Variants in SOST observed in about 807,000 individuals in gnomAD.
The protein encoded by SOST is sclerosteosis.
Under a neutral mutation model 16.7 loss-of-function variants are expected in SOST, and 14 were observed. The observed-to-expected ratio is 0.84, with a 90% CI of 0.55 to 1.31. The LOEUF (loss-of-function observed/expected upper bound fraction) is 1.31. SOST is among the 50% of genes most tolerant of loss of function. The pLI is 0.00. For missense variants in SOST, 291 were observed against 310.7 expected, an observed-to-expected ratio of 0.94 and a Z score of 0.48; for synonymous variants, 150 against 140.9, an observed-to-expected ratio of 1.06 and a Z score of -0.46.
rs751573030 is a variant in SOST at position 43,755,328 on chromosome 17, G to A, written c.*14C>T. On this transcript the variant is annotated 3_prime_UTR_variant, in exon 2 of 2. Coordinates refer to ENST00000301691, the MANE Select transcript of SOST (RefSeq NM_025237.3). The surrounding 1 kb of genome is among the most constrained non-coding windows in gnomAD (Gnocchi z 4.3). ...GCCGGGGCGCCCGCCGGTGGGGAGG[G>A]GCGCGGGCGGGCTCTAGTAGGCGTT... The A allele has an allele frequency of 1.9e-6, 3 of 1,545,654 alleles. No homozygotes were observed. Among genetic ancestry groups the A allele is most frequent in the Non-Finnish European group, 2.6e-6 (3 of 1,158,960 alleles).
Position 43,758,600 on chromosome 17 carries a change from G to A in SOST, c.142C>T (p.Pro48Ser). The change falls in exon 1 of 2, where the codon CCG (proline) becomes TCG (serine). Residue 48 changes from proline to serine, a missense_variant. Pro to Ser is a moderately conservative substitution (Grantham distance 74, BLOSUM62 -1). Coordinates refer to ENST00000301691, the MANE Select transcript of SOST (RefSeq NM_025237.3). Reference sequence around the variant, plus strand: ...ATGGTCTTGTTGTTCTCCAGCTCCGGTGGAGGCTCGGGGTACTCTCCGAGC... The same window carrying A: ...ATGGTCTTGTTGTTCTCCAGCTCCGATGGAGGCTCGGGGTACTCTCCGAGC... ...PELGEYPEPP[P>S]ELENNKTMNR... 1 of 1,614,174 alleles carries A rather than the reference G, an allele frequency of 6.2e-7. No homozygotes were observed. The highest frequency in any genetic ancestry group is 8.5e-7 in the Non-Finnish European group (1 of 1,180,028).
rs746598589 is a variant in SOST, at chr17:43,755,379, G to A, written c.605C>T (p.Ala202Val). 6.3e-7 allele frequency: 1 copy of A among 1,588,492 alleles called. No individual in the cohort carries two copies. Among genetic ancestry groups the A allele is most frequent in the Non-Finnish European group, 8.5e-7 (1 of 1,176,050 alleles). ...GRKPRPRARS[A>V]KANQAELENA... ...CTCCAGCTCGGCCTGGTTGGCTTTGGCGCTCCGGGCGCGGGGCCGCGGCTT... is the reference window on the plus strand; with the variant it reads ...CTCCAGCTCGGCCTGGTTGGCTTTGACGCTCCGGGCGCGGGGCCGCGGCTT... Residue 202 changes from alanine (A) to valine (V), a missense_variant, in exon 2 of 2, where the codon GCC (alanine) becomes GTC (valine). Transcript: ENST00000301691. This position sits in a 1 kb window ranked among gnomAD's most constrained non-coding sequence, Gnocchi z 4.3.
In SOST at chr17:43,755,407, G is replaced by C. The variant is rs1974116290; in HGVS notation, c.577C>G (p.Arg193Gly). ...CTCCGGGCGCGGGGCCGCGGCTTCC[G>C]GCCCTTCTGCGGCCGAGCGGCCTCG... Reference protein sequence around the residue: ...GTEAARPQKGRKPRPRARSAK... With the variant: ...GTEAARPQKGGKPRPRARSAK... The change falls in exon 2 of 2, where the codon CGG becomes GGG. Residue 193 changes from arginine (R) to glycine (G), a missense_variant. Transcript: ENST00000301691. The surrounding 1 kb of genome is among the most constrained non-coding windows in gnomAD (Gnocchi z 4.3). 3 of 1,592,270 alleles carry C rather than the reference G, an allele frequency of 1.9e-6. No individual in the cohort carries two copies. The highest frequency in any genetic ancestry group is 2.5e-6 in the Non-Finnish European group (3 of 1,177,394).
chr17:43,755,861 C>T lies in SOST; in HGVS notation c.221-98G>A. 7.1e-7 allele frequency: 1 copy of T among 1,399,098 alleles called. No individual in the cohort carries two copies. 86.7% of individuals were successfully genotyped at this position (1,399,098 alleles called of 1,614,324 possible). On this transcript the variant is annotated intron_variant, in intron 1 of 1. Transcript: ENST00000301691. The surrounding 1 kb of genome is among the most constrained non-coding windows in gnomAD (Gnocchi z 4.3). Reference sequence around the variant, plus strand: ...CACCCCAGCCCTGCTTTTGCCAAGCCTGTCTCCAGAGGCTTTTGCCCCTGA... The same window carrying T: ...CACCCCAGCCCTGCTTTTGCCAAGCTTGTCTCCAGAGGCTTTTGCCCCTGA...
At position 43,758,522 on chromosome 17, in the gene SOST, C is replaced by T. The variant is rs1182524882; in HGVS notation, c.220G>A (p.Asp74Asn). 6.2e-7 allele frequency: 1 copy of T among 1,611,770 alleles called. No individual in the cohort carries two copies. Among genetic ancestry groups the T allele is most frequent in the East Asian group, 2.2e-5 (1 of 44,862 alleles). The change falls in exon 1 of 2, where the codon GAC becomes AAC. Residue 74 changes from aspartate to asparagine, a missense_variant and splice_region_variant. Coordinates refer to ENST00000301691, the MANE Select transcript of SOST (RefSeq NM_025237.3). Reference protein sequence around the residue: ...RPPHHPFETKDVSEYSCRELH... With the variant: ...RPPHHPFETKNVSEYSCRELH... ...AAGAATTCTCTCCTCCACCCCATACCTTTGGTCTCAAAGGGGTGGTGGGGA... is the reference window on the plus strand; with the variant it reads ...AAGAATTCTCTCCTCCACCCCATACTTTTGGTCTCAAAGGGGTGGTGGGGA...
intron 1 of SOST, among the ~76,000 whole-genome samples, chr17:43,756,790 G>C (rs1306401266): frequency 6.6e-6 from 1 of 152,160 alleles, no homozygotes; most frequent in African/African-American, 2.4e-5. Context: ...GGCAGGCAGA[G>C]ATTGGGCTCC....
Position 43,753,943 on chromosome 17 carries a change from A to G in SOST, c.*1399T>C, listed in dbSNP as rs969560555. 21 of 152,810 alleles carry G rather than the reference A, an allele frequency of 1.4e-4. No homozygotes were observed. Among genetic ancestry groups the G allele is most frequent in the African/African-American group, 5.0e-4 (21 of 41,588 alleles). 9.5% of individuals were successfully genotyped at this position (152,810 alleles called of 1,614,324 possible). A position where few individuals can be genotyped will look rare whatever the true frequency, so the allele number is the denominator to read the frequency against. ...AGTCCCACGTGGAAGAATTGCCAAA[A>G]AAACGACCAGTCCTGCAGGCTTTCA... On this transcript the variant is annotated 3_prime_UTR_variant, in exon 2 of 2. Transcript: ENST00000301691.
Position 43,755,381 on chromosome 17 carries a change from G to A in SOST, c.603C>T (p.Ser201=). 2 of 1,588,342 alleles carry A rather than the reference G, an allele frequency of 1.3e-6. No individual in the cohort carries two copies. Among genetic ancestry groups the A allele is most frequent in the African/African-American group, 2.7e-5 (2 of 73,012 alleles). ...CCAGCTCGGCCTGGTTGGCTTTGGC[G>A]CTCCGGGCGCGGGGCCGCGGCTTCC... ...KGRKPRPRAR[S]AKANQAELEN... is the part of the protein sequence containing the mutation. Residue 201 remains serine, a synonymous_variant, in exon 2 of 2, where the codon AGC becomes AGT. Coordinates refer to ENST00000301691, the MANE Select transcript of SOST (RefSeq NM_025237.3). The surrounding 1 kb of genome is among the most constrained non-coding windows in gnomAD (Gnocchi z 4.3).
chr17:43,755,753 C>T lies in SOST; in HGVS notation c.231G>A (p.Glu77=). 6.3e-7 allele frequency: 1 copy of T among 1,580,818 alleles called. No homozygotes were observed. Among genetic ancestry groups the T allele is most frequent in the Non-Finnish European group, 8.5e-7 (1 of 1,172,256 alleles). ...TGAAGTGCAGCTCGCGGCAGCTGTACTCGGACACGTCTGTGGAGAGAGGCG... is the reference window on the plus strand; with the variant it reads ...TGAAGTGCAGCTCGCGGCAGCTGTATTCGGACACGTCTGTGGAGAGAGGCG... ...HHPFETKDVS[E]YSCRELHFTR... The change falls in exon 2 of 2, where the codon GAG becomes GAA. Residue 77 remains glutamate (E), a synonymous_variant. Coordinates refer to ENST00000301691, the MANE Select transcript of SOST (RefSeq NM_025237.3). The surrounding 1 kb of genome is among the most constrained non-coding windows in gnomAD (Gnocchi z 4.3).
chr17:43,756,190 G>T (rs1055090024), intron 1 of SOST, among the ~76,000 whole-genome samples: 3 of 152,164 alleles, frequency 2.0e-5, no homozygotes, highest in Non-Finnish European at 2.9e-5. Context: ...GTCTTCTTAT[G>T]ATTTAAGCCA....
At position 43,755,907 on chromosome 17, in the gene SOST, C is replaced by T. The variant is rs549347014; in HGVS notation, c.221-144G>A. The T allele has an allele frequency of 3.3e-4, 317 of 962,180 alleles. 1 individual carries two copies. In the African/African-American group the frequency reaches 4.9e-3, roughly 15 times the overall value. The allele number at this position is 962,180 out of a possible 1,614,324, so 59.6% of individuals were successfully genotyped here. ...CCTGAACATCTATTGCAGGAAGGTC[C>T]CAGATGCTCTAGAGCTGGTGGAAAG... On this transcript the variant is annotated intron_variant, in intron 1 of 1. Coordinates refer to ENST00000301691, the MANE Select transcript of SOST (RefSeq NM_025237.3). The surrounding 1 kb of genome is among the most constrained non-coding windows in gnomAD (Gnocchi z 4.3).
Position 43,758,775 on chromosome 17 carries a change from G to GAGCC in SOST, c.-35_-34insGGCT. ...CCAGAGGAGGGCACGCCACCTTCCAGTAGCACAGGCTCTGGTCTCCAGCCG... is the reference window on the plus strand; with the variant it reads ...CCAGAGGAGGGCACGCCACCTTCCAGAGCCTAGCACAGGCTCTGGTCTCCAGCCG... On this transcript the variant is annotated 5_prime_UTR_variant, in exon 1 of 2. Transcript: ENST00000301691. 2 of 1,560,518 alleles carry GAGCC rather than the reference G, an allele frequency of 1.3e-6. No individual in the cohort carries two copies. The highest frequency in any genetic ancestry group is 1.8e-6 in the Non-Finnish European group (2 of 1,135,642).
Position 43,755,866 on chromosome 17 carries a change from T to TC in SOST, c.221-104dup, listed in dbSNP as rs1974125647. On this transcript the variant is annotated intron_variant, in intron 1 of 1. Transcript: ENST00000301691. This position sits in a 1 kb window ranked among gnomAD's most constrained non-coding sequence, Gnocchi z 4.3. Reference sequence around the variant, plus strand: ...CAGCCCTGCTTTTGCCAAGCCTGTCTCCAGAGGCTTTTGCCCCTGAACATC... The same window carrying TC: ...CAGCCCTGCTTTTGCCAAGCCTGTCTCCCAGAGGCTTTTGCCCCTGAACATC... The TC allele has an allele frequency of 6.7e-6, 9 of 1,347,682 alleles. No individual in the cohort carries two copies. In the South Asian group the frequency reaches 1.2e-4, roughly 18 times the overall value. 83.5% of individuals were successfully genotyped at this position (1,347,682 alleles called of 1,614,324 possible).
At chr17:43,757,195 C>A (rs1014556218) in intron 1 of SOST, among the ~76,000 whole-genome samples, 5 of 152,262 alleles carry the variant, frequency 3.3e-5, no homozygotes, top group African/African-American at 9.6e-5. Context: ...CTAGGCCAGG[C>A]ACTTCCTCTG....
At chr17:43,757,325 G>A (rs537621957) in intron 1 of SOST, among the ~76,000 whole-genome samples, 38 of 152,328 alleles carry the variant, frequency 2.5e-4, no homozygotes, top group Non-Finnish European at 4.6e-4. Context: ...AGTCGCTGGA[G>A]CCCAGCTGAC....
At chr17:43,757,255 T>C (rs543117630) in intron 1 of SOST, among the ~76,000 whole-genome samples, 2 of 152,320 alleles carry the variant, frequency 1.3e-5, no homozygotes, top group South Asian at 2.1e-4. Context: ...GGCTGTGGCC[T>C]CTCGTGGGAG....
In SOST at chr17:43,755,518, C is replaced by A; in HGVS notation, c.466G>T (p.Ala156Ser). 6.3e-7 allele frequency: 1 copy of A among 1,596,098 alleles called. No homozygotes were observed. Among genetic ancestry groups the A allele is most frequent in the South Asian group, 1.1e-5 (1 of 90,528 alleles). The change falls in exon 2 of 2, where the codon GCG becomes TCG. Residue 156 changes from alanine to serine, a missense_variant. By Grantham distance (99) the Ala-to-Ser change is moderately conservative. Coordinates refer to ENST00000301691, the MANE Select transcript of SOST (RefSeq NM_025237.3). This position sits in a 1 kb window ranked among gnomAD's most constrained non-coding sequence, Gnocchi z 4.3. ...GAGGCCACCAGGCGCACCTTGCGCGCGCGCGGCGCCTCACCACCGGGACAC... is the reference window on the plus strand; with the variant it reads ...GAGGCCACCAGGCGCACCTTGCGCGAGCGCGGCGCCTCACCACCGGGACAC... ...LLCPGGEAPR[A>S]RKVRLVASCK...
At position 43,758,772 on chromosome 17, in the gene SOST, C is replaced by T; in HGVS notation, c.-31G>A. 6.4e-7 allele frequency: 1 copy of T among 1,568,240 alleles called. No individual in the cohort carries two copies. Among genetic ancestry groups the T allele is most frequent in the Non-Finnish European group, 8.8e-7 (1 of 1,142,268 alleles). On this transcript the variant is annotated 5_prime_UTR_variant, in exon 1 of 2. Transcript: ENST00000301691. ...CAGCCAGAGGAGGGCACGCCACCTT[C>T]CAGTAGCACAGGCTCTGGTCTCCAG...
intron 1 of SOST, 24 bp downstream of exon 1, chr17:43,758,498 A>G: frequency 6.3e-7 from 1 of 1,589,576 alleles, no homozygotes; most frequent in Non-Finnish European, 8.6e-7. Context: ...TCTTTTACTA[A>G]GAATTCTCTC....
Sources: allele counts gnomAD v4.1 joint callset (sites outside exome capture counted in the v4.1 genomes callset), GRCh38; gene constraint gnomAD v4.1.1; non-coding constraint Gnocchi (gnomAD v3.1); transcripts MANE v1.5; gene names NCBI Gene and HGNC (gene_info 2026-07-23, HGNC 2026-07-21).